The following STRBP variants were observed in gnomAD, a reference collection of about 807,000 sequenced individuals.
The protein encoded by STRBP is spermatid perinuclear RNA-binding protein.
A neutral mutation model predicts 80.1 loss-of-function variants in STRBP; 13 were observed. That is an observed-to-expected ratio of 0.16 (90% CI 0.11 to 0.26). The LOEUF (loss-of-function observed/expected upper bound fraction) is 0.26. Among genes scored for constraint, STRBP ranks in the 10% least tolerant of loss-of-function variants. STRBP has a pLI of 1.00. For missense variants in STRBP, 485 were observed against 815.2 expected (o/e 0.59, Z 4.93); for synonymous variants, 284 against 291.2 (o/e 0.98, Z 0.25).
intron 6 of STRBP, among the ~76,000 whole-genome samples, chr9:123,167,300 GA>G (rs980233213): frequency 3.4e-5 from 5 of 146,114 alleles, no homozygotes; most frequent in East Asian, 2.0e-4. Context: ...TTAACTTTGA[GA>G]AAAAAAAAAG....
At chr9:123,172,347 C>T (rs150245834) in intron 5 of STRBP, among the ~76,000 whole-genome samples, 1 of 152,240 alleles carries the variant, frequency 6.6e-6, no homozygotes, top group African/African-American at 2.4e-5. Flanking sequence ...GAAACGGGAA[C>T]TTTATTAATA....
intron 2 of STRBP, among the ~76,000 whole-genome samples, chr9:123,228,528 T>C: frequency 6.6e-6 from 1 of 152,206 alleles, no homozygotes; most frequent in Non-Finnish European, 1.5e-5. Flanking sequence ...GAATAAAGTG[T>C]ATTACGGAGG....
intron 1 of STRBP, among the ~76,000 whole-genome samples, chr9:123,238,839 C>T (rs2040629492): frequency 6.6e-6 from 1 of 151,992 alleles, no homozygotes; most frequent in African/African-American, 2.4e-5. Context: ...ATAATAAAAA[C>T]ATTTCCATAT....
intron 5 of STRBP, among the ~76,000 whole-genome samples, chr9:123,172,655 G>A (rs1313882468): frequency 6.6e-6 from 1 of 152,142 alleles, no homozygotes; most frequent in Admixed American, 6.5e-5. Flanking sequence ...ACAGGAGAAT[G>A]TGCCAATCAG....
chr9:123,187,471 C>T (rs373480026), intron 2 of STRBP, among the ~76,000 whole-genome samples: 1 of 151,920 alleles, frequency 6.6e-6, no homozygotes, highest in African/African-American at 2.4e-5. Flanking sequence ...TAAATGGTTT[C>T]GGGAAAAAAA....
intron 2 of STRBP, among the ~76,000 whole-genome samples, chr9:123,233,219 C>T (rs1482249044): frequency 6.6e-6 from 1 of 152,116 alleles, no homozygotes; most frequent in African/African-American, 2.4e-5. Context: ...ACTACAGGCG[C>T]ATACCACCAC....
intron 2 of STRBP, among the ~76,000 whole-genome samples, chr9:123,217,268 A>G (rs547120072): frequency 1.3e-4 from 20 of 152,318 alleles, no homozygotes; most frequent in Non-Finnish European, 2.6e-4. Context: ...AAAATGATAG[A>G]GTAGAAGGAT....
At chr9:123,190,564 C>T (rs2038887518) in intron 2 of STRBP, among the ~76,000 whole-genome samples, 1 of 152,086 alleles carries the variant, frequency 6.6e-6, no homozygotes, top group African/African-American at 2.4e-5. Context: ...GGCTATTCCT[C>T]CTTACCCAAA....
At chr9:123,168,255 A>T in intron 6 of STRBP, 1 of 982,444 alleles carries the variant, frequency 1.0e-6, no homozygotes, top group Non-Finnish European at 1.2e-6. Context: ...GGTGAACTGT[A>T]AAGCTGTTAA....
At chr9:123,194,534 G>C (rs2039030789) in intron 2 of STRBP, among the ~76,000 whole-genome samples, 1 of 152,150 alleles carries the variant, frequency 6.6e-6, no homozygotes, top group African/African-American at 2.4e-5. Context: ...TTGACCTCTT[G>C]CTTTGCTACA....
intron 2 of STRBP, among the ~76,000 whole-genome samples, chr9:123,200,745 T>TTTTTTTTTTC (rs2039293069): frequency 9.7e-6 from 1 of 103,462 alleles, no homozygotes; most frequent in African/African-American, 3.7e-5. Context: ...TTTTTTTTTT[T>TTTTTTTTTTC]TTTTTTTTTT....
At chr9:123,114,995 GCCT>G (rs751189666) in intron 3 of STRBP, 1 of 358,182 alleles carries the variant, frequency 2.8e-6, no homozygotes, top group Non-Finnish European at 5.8e-6. Flanking sequence ...CATCAGCCTT[GCCT>G]CCTGACTCTG....
chr9:123,191,626 G>A lies in STRBP; in HGVS notation c.-164-7328C>T, dbSNP rs529822600. On this transcript the variant is annotated intron_variant, in intron 2 of 18. Transcript: ENST00000348403. ...CTCTGTTCCAATAAAACTTAATTAC[G>A]GACACTGAAATTTGAATTACATGTA... 5.9e-5 allele frequency among the ~76,000 whole-genome samples: 9 copies of A among 151,864 alleles called. No individual in the cohort carries two copies. In the South Asian group the frequency reaches 1.7e-3, roughly 28 times the overall value.
chr9:123,246,522 AG>A (rs1352518896), intron 1 of STRBP, among the ~76,000 whole-genome samples: 1 of 151,670 alleles, frequency 6.6e-6, no homozygotes, highest in Non-Finnish European at 1.5e-5. Context: ...ATTGGGGTTT[AG>A]GGGGATGAGA....
chr9:123,152,551 G>A (rs2037102238), intron 11 of STRBP, among the ~76,000 whole-genome samples: 1 of 151,936 alleles, frequency 6.6e-6, no homozygotes. Context: ...GAACAAGAAG[G>A]TACAAACTAT....
intron 1 of STRBP, among the ~76,000 whole-genome samples, chr9:123,243,955 C>A (rs1310323589): frequency 6.6e-6 from 1 of 152,156 alleles, no homozygotes; most frequent in South Asian, 2.1e-4. Flanking sequence ...TACATCCACA[C>A]AAAAGTCCAC....
chr9:123,190,734 C>T (rs1259908580), intron 2 of STRBP, among the ~76,000 whole-genome samples: 2 of 152,168 alleles, frequency 1.3e-5, no homozygotes, highest in African/African-American at 4.8e-5. Flanking sequence ...CCAGCTAAGT[C>T]GAACCAGAAT....
intron 2 of STRBP, among the ~76,000 whole-genome samples, chr9:123,226,976 C>T (rs989416562): frequency 2.0e-5 from 3 of 152,088 alleles, no homozygotes; most frequent in Non-Finnish European, 2.9e-5. Context: ...ATCACATGAG[C>T]GAGAGAAAGA....
At chr9:123,142,274 T>G (rs192343929) in intron 13 of STRBP, among the ~76,000 whole-genome samples, 2 of 152,278 alleles carry the variant, frequency 1.3e-5, no homozygotes, top group Non-Finnish European at 2.9e-5. Flanking sequence ...GATCTGGTTG[T>G]TTAAAAGTAT....
Sources: gnomAD v4.1 joint callset for allele counts (sites outside exome capture counted in the v4.1 genomes callset) on GRCh38, gnomAD v4.1.1 for gene constraint, MANE v1.5 for transcripts, NCBI Gene and HGNC (gene_info 2026-07-23, HGNC 2026-07-21) for gene names.